The following SPANXN2 variants were observed in gnomAD, a reference collection of about 807,000 sequenced individuals.
SPANXN2 encodes SPANX family member N2, also known as sperm protein associated with the nucleus on the X chromosome N2.
A neutral mutation model predicts 2.0 loss-of-function variants in SPANXN2; 1 was observed. The ratio of observed to expected loss-of-function variants is 0.50; its 90% CI spans 0.18 to 2.36. The LOEUF is 2.36. Among genes scored for constraint, SPANXN2 ranks in the 30% most tolerant of loss-of-function variants. SPANXN2 has a pLI of 0.26. For missense variants in SPANXN2, 88 were observed against 116.7 expected (o/e 0.75, Z 1.13); for synonymous variants, 43 against 49.8 (o/e 0.86, Z 0.58).
chrX:143,715,435 A>G (rs1266073100), intron 1 of SPANXN2, among the ~76,000 whole-genome samples: 1 of 109,974 alleles, frequency 9.1e-6, no homozygotes, highest in Non-Finnish European at 1.9e-5. Flanking sequence ...CCAGAACTCC[A>G]TGCAATGTGG....
At chrX:143,716,380 G>T (rs2124007396) in intron 1 of SPANXN2, among the ~76,000 whole-genome samples, 1 of 110,973 alleles carries the variant, frequency 9.0e-6, no homozygotes, top group African/African-American at 3.3e-5. Context: ...CCTCCTTCTT[G>T]GGCCTTGTGG....
At chrX:143,713,891 CA>C in intron 1 of SPANXN2, among the ~76,000 whole-genome samples, 1 of 22,148 alleles carries the variant, frequency 4.5e-5, no homozygotes, top group African/African-American at 1.0e-4. Context: ...TTTCATGCCT[CA>C]CTCTCTCTCT....
At position 143,720,463 on chromosome X, in the gene SPANXN2, T is replaced by C. The variant is rs7060417; in HGVS notation, c.78+128A>G. The C allele has an allele frequency of 6.7e-3, 4,096 of 613,455 alleles. 87 individuals are homozygous for C. Among genetic ancestry groups the C allele is most frequent in the African/African-American group, 0.041 (1,547 of 37,544 alleles). 50.6% of individuals were successfully genotyped at this position (613,455 alleles called of 1,213,427 possible). A position where few individuals can be genotyped will look rare whatever the true frequency, so the allele number is the denominator to read the frequency against. On this transcript the variant is annotated intron_variant, in intron 1 of 1. Transcript: ENST00000598475. Reference sequence around the variant, plus strand: ...ACCCCAGCCTGTAAGCGGCGGTGGGTTCTGGCATTAAGCGGGTCCCCCACT... The same window carrying C: ...ACCCCAGCCTGTAAGCGGCGGTGGGCTCTGGCATTAAGCGGGTCCCCCACT...
chrX:143,712,430 G>C (rs111386622), exon 2 of SPANXN2: 1 of 1,212,224 alleles, frequency 8.2e-7, no homozygotes, highest in Admixed American at 2.2e-5. Flanking sequence ...ATTATTGTTA[G>C]ATATTCTATT....
intron 1 of SPANXN2, among the ~76,000 whole-genome samples, chrX:143,716,404 G>A (rs1302540173): frequency 9.0e-6 from 1 of 111,148 alleles, no homozygotes; most frequent in Admixed American, 9.5e-5. Context: ...ACTTCTGGCT[G>A]TGAATTCCTA....
At chrX:143,720,743 C>A in exon 1 of SPANXN2, 1 of 1,115,239 alleles carries the variant, frequency 9.0e-7, no homozygotes, top group Non-Finnish European at 1.2e-6. Flanking sequence ...TTGAAGCTTG[C>A]CAGGAGGATG....
At chrX:143,712,943 C>T (rs782005817) in intron 1 of SPANXN2, among the ~76,000 whole-genome samples, 3 of 111,741 alleles carry the variant, frequency 2.7e-5, no homozygotes, top group South Asian at 3.8e-4. Context: ...AATATCCTGC[C>T]GGATAGCATC....
intron 1 of SPANXN2, among the ~76,000 whole-genome samples, chrX:143,719,109 A>G (rs1168380244): frequency 9.1e-6 from 1 of 110,187 alleles, no homozygotes; most frequent in African/African-American, 3.4e-5. Flanking sequence ...TGCTCGGCTA[A>G]TCACCTTTCC....
chrX:143,712,807 G>A (rs1440906786), intron 1 of SPANXN2, among the ~76,000 whole-genome samples: 8 of 111,828 alleles, frequency 7.2e-5, no homozygotes, highest in Non-Finnish European at 1.1e-4. Flanking sequence ...CCTGACCACA[G>A]GGCGGACAAA....
At chrX:143,714,495 C>T (rs1409093370) in intron 1 of SPANXN2, among the ~76,000 whole-genome samples, 1 of 111,481 alleles carries the variant, frequency 9.0e-6, no homozygotes, top group Non-Finnish European at 1.9e-5. Flanking sequence ...GCTCATAATC[C>T]AATAGGGACC....
intron 1 of SPANXN2, among the ~76,000 whole-genome samples, chrX:143,713,888 CCTCACT>C (rs1300996879): frequency 1.7e-4 from 6 of 35,108 alleles, no homozygotes; most frequent in East Asian, 1.1e-3. Context: ...TCCTTTCATG[CCTCACT>C]CTCTCTCTCT....
intron 1 of SPANXN2, among the ~76,000 whole-genome samples, chrX:143,717,778 C>G (rs1556450078): frequency 8.9e-6 from 1 of 111,903 alleles, no homozygotes; most frequent in East Asian, 2.8e-4. Context: ...CATCTCCTTT[C>G]CCACACACCA....
chrX:143,715,429 A>G (rs1200641220), intron 1 of SPANXN2, among the ~76,000 whole-genome samples: 23 of 110,274 alleles, frequency 2.1e-4, no homozygotes, highest in Admixed American at 5.8e-4. Context: ...TAAATTCCAG[A>G]ACTCCATGCA....
chrX:143,716,049 C>T (rs188679001), intron 1 of SPANXN2, among the ~76,000 whole-genome samples: 2 of 111,111 alleles, frequency 1.8e-5, no homozygotes, highest in East Asian at 5.7e-4. Context: ...AGAGGGGTTC[C>T]GGGATAGGCC....
chrX:143,713,011 G>A (rs5907462), intron 1 of SPANXN2, among the ~76,000 whole-genome samples: 12,627 of 110,996 alleles, frequency 0.11, 598 homozygotes, highest in East Asian at 0.21. Flanking sequence ...TGTAAGCGGC[G>A]GTGGGCTCTG....
chrX:143,715,295 A>G (rs1569482434), intron 1 of SPANXN2, among the ~76,000 whole-genome samples: 2 of 46,342 alleles, frequency 4.3e-5, no homozygotes, highest in South Asian at 4.2e-3. Flanking sequence ...GTGAGAATCA[A>G]TAAAATCCCC....
At chrX:143,720,263 A>G (rs1159927010) in intron 1 of SPANXN2, among the ~76,000 whole-genome samples, 1 of 110,735 alleles carries the variant, frequency 9.0e-6, no homozygotes, top group Non-Finnish European at 1.9e-5. Context: ...AGGCGGACAC[A>G]GGTCCAACTA....
chrX:143,717,837 C>T (rs868975264), intron 1 of SPANXN2, among the ~76,000 whole-genome samples: 14 of 111,937 alleles, frequency 1.3e-4, no homozygotes, highest in African/African-American at 4.6e-4. Context: ...ACATCACTCA[C>T]ATGCTCCCCA....
At chrX:143,712,521 G>T (rs1341198006) in intron 1 of SPANXN2, 22 bp from the exon 2 acceptor site, 1 of 1,187,990 alleles carries the variant, frequency 8.4e-7, no homozygotes, top group East Asian at 3.0e-5. Context: ...ACAGGGAGAG[G>T]CCAGAAAGTC....
Sources: gnomAD v4.1 joint callset for allele counts (sites outside exome capture counted in the v4.1 genomes callset) on GRCh38, gnomAD v4.1.1 for gene constraint, MANE v1.5 for transcripts, NCBI Gene and HGNC (gene_info 2026-07-23, HGNC 2026-07-21) for gene names.